The following EPSTI1 variants were observed in gnomAD, a reference collection of about 807,000 sequenced individuals.
The protein encoded by EPSTI1 is epithelial stromal interaction 1.
A neutral mutation model predicts 49.9 loss-of-function variants in EPSTI1; 66 were observed. The ratio of observed to expected loss-of-function variants is 1.32; its 90% CI spans 1.08 to 1.62. EPSTI1 has a LOEUF of 1.62. EPSTI1 is among the 40% of genes most tolerant of loss of function. EPSTI1 has a pLI of 0.00. For missense variants in EPSTI1, 394 were observed against 365.5 expected, an observed-to-expected ratio of 1.08 and a Z score of -0.64; for synonymous variants, 137 against 130.7, an observed-to-expected ratio of 1.05 and a Z score of -0.33.
intron 5 of EPSTI1, among the ~76,000 whole-genome samples, chr13:42,960,177 A>T (rs1386364859): frequency 6.6e-6 from 1 of 152,190 alleles, no homozygotes; most frequent in Non-Finnish European, 1.5e-5. Context: ...ATTATCTCAA[A>T]CATATGTAGA....
At chr13:42,902,958 A>G (rs1484704115) in intron 8 of EPSTI1, among the ~76,000 whole-genome samples, 2 of 152,182 alleles carry the variant, frequency 1.3e-5, no homozygotes, top group African/African-American at 4.8e-5. Flanking sequence ...GAACTACAGG[A>G]CCCATTCACA....
intron 1 of EPSTI1, among the ~76,000 whole-genome samples, chr13:42,980,779 G>GA (rs35734184): frequency 0.31 from 47,554 of 151,906 alleles, 7,668 homozygotes; most frequent in South Asian, 0.38. Context: ...TAAACTCTTT[G>GA]AAGTGTTTAT....
chr13:42,889,086 T>G, intron 10 of EPSTI1: 1 of 775,674 alleles, frequency 1.3e-6, no homozygotes, highest in East Asian at 2.7e-5. Flanking sequence ...GTTGCCTCAT[T>G]GGTCATAGGA....
intron 6 of EPSTI1, among the ~76,000 whole-genome samples, chr13:42,947,161 G>A (rs1206843189): frequency 6.6e-6 from 1 of 152,122 alleles, no homozygotes; most frequent in South Asian, 2.1e-4. Flanking sequence ...TACTCAAGAG[G>A]TGGTTTGGCC....
chr13:42,924,374 T>C (rs984554120), intron 7 of EPSTI1, among the ~76,000 whole-genome samples: 2 of 152,218 alleles, frequency 1.3e-5, no homozygotes, highest in African/African-American at 4.8e-5. Flanking sequence ...AATGCAGCTC[T>C]GGGAAACATT....
In EPSTI1 at chr13:42,992,009, G is replaced by A; in HGVS notation, c.157C>T (p.Arg53Trp). ...GLEAAPKGPS[R>W]ESVVHAGQRR... ...TGGCCCGCGTGCACGACGCTCTCCCGCGAAGGGCCCTTAGGGGCTGCCTCC... is the reference window on the plus strand; with the variant it reads ...TGGCCCGCGTGCACGACGCTCTCCCACGAAGGGCCCTTAGGGGCTGCCTCC... The change falls in exon 1 of 11, where the codon CGG becomes TGG. Residue 53 changes from arginine to tryptophan, a missense_variant. By Grantham distance (101) the Arg-to-Trp change is moderately radical. Coordinates refer to ENST00000313624, the MANE Select transcript of EPSTI1 (RefSeq NM_033255.5). The A allele has an allele frequency of 6.2e-7, 1 of 1,613,442 alleles. No homozygotes were observed. Among genetic ancestry groups the A allele is most frequent in the East Asian group, 2.2e-5 (1 of 44,876 alleles).
At chr13:42,987,133 C>T (rs1443348143) in intron 1 of EPSTI1, among the ~76,000 whole-genome samples, 2 of 152,044 alleles carry the variant, frequency 1.3e-5, no homozygotes, top group Non-Finnish European at 2.9e-5. Context: ...GCATGGGAAC[C>T]CCCAACTTTG....
At chr13:42,977,622 G>A (rs1243009847) in intron 1 of EPSTI1, among the ~76,000 whole-genome samples, 1 of 152,248 alleles carries the variant, frequency 6.6e-6, no homozygotes, top group East Asian at 1.9e-4. Flanking sequence ...GAATGGCAGA[G>A]CAGAAAGTCA....
At chr13:42,899,778 T>C (rs2037302303) in intron 9 of EPSTI1, among the ~76,000 whole-genome samples, 1 of 152,226 alleles carries the variant, frequency 6.6e-6, no homozygotes, top group Admixed American at 6.5e-5. Context: ...TTACTAGGTA[T>C]TCTTAAGTCT....
At chr13:42,974,040 T>G (rs990383331) in intron 1 of EPSTI1, among the ~76,000 whole-genome samples, 7 of 152,178 alleles carry the variant, frequency 4.6e-5, no homozygotes, top group Non-Finnish European at 8.8e-5. Context: ...TAAAAAGATA[T>G]TCAAGAAATG....
rs539195993 is a variant in EPSTI1, at chr13:42,970,700, T to C, written c.189-30A>G. On this transcript the variant is annotated intron_variant, in intron 1 of 10. Coordinates refer to ENST00000313624, the MANE Select transcript of EPSTI1 (RefSeq NM_033255.5). ...AAGGAAGAGAAAAAAAAATGCTTAT[T>C]ACCATGAGAAACTACCAATGCATAT... The C allele has an allele frequency of 5.1e-6, 8 of 1,580,224 alleles. No individual in the cohort carries two copies. The South Asian group carries it at 6.9e-5, about 14-fold the overall frequency.
intron 5 of EPSTI1, among the ~76,000 whole-genome samples, chr13:42,957,202 A>G (rs955995867): frequency 6.6e-6 from 1 of 152,264 alleles, no homozygotes; most frequent in African/African-American, 2.4e-5. Flanking sequence ...TAAGATTACT[A>G]TCATTTAAGA....
At chr13:42,917,984 T>C (rs2037886510) in intron 7 of EPSTI1, among the ~76,000 whole-genome samples, 1 of 152,106 alleles carries the variant, frequency 6.6e-6, no homozygotes, top group Non-Finnish European at 1.5e-5. Flanking sequence ...AGCTGATCAG[T>C]CAATATTAAA....
chr13:42,964,202 G>C, intron 3 of EPSTI1, 63 bp from the exon 4 acceptor site: 1 of 1,276,554 alleles, frequency 7.8e-7, no homozygotes, highest in Non-Finnish European at 1.1e-6. Context: ...CAGCCATCGA[G>C]GACTAATTAA....
At chr13:42,902,353 C>G (rs990872194) in intron 8 of EPSTI1, among the ~76,000 whole-genome samples, 3 of 152,128 alleles carry the variant, frequency 2.0e-5, no homozygotes, top group African/African-American at 2.4e-5. Flanking sequence ...CCAGGTGCCT[C>G]TGATTCCTCA....
Position 42,948,423 on chromosome 13 carries a change from TTG to T in EPSTI1, c.563+5523_563+5524del, listed in dbSNP as rs1274811210. Among the ~76,000 whole-genome samples the T allele has an allele frequency of 3.5e-4, 35 of 99,914 alleles. 1 individual carries two copies. Among genetic ancestry groups the T allele is most frequent in the African/African-American group, 9.6e-4 (27 of 27,998 alleles). The allele number at this position is 99,914 out of a possible 152,430, so 65.5% of individuals were successfully genotyped here. A position where few individuals can be genotyped will look rare whatever the true frequency, so the allele number is the denominator to read the frequency against. On this transcript the variant is annotated intron_variant, in intron 6 of 10. Transcript: ENST00000313624. ...TCTGCAGGAACTCCAGAGTGGCTTGTTGTTTTTTTTTTTTTTTTGCTGTTTGT... is the reference window on the plus strand; with the variant it reads ...TCTGCAGGAACTCCAGAGTGGCTTGTTTTTTTTTTTTTTTTTGCTGTTTGT...
intron 5 of EPSTI1, among the ~76,000 whole-genome samples, chr13:42,957,048 G>A (rs533187658): frequency 1.3e-5 from 2 of 152,216 alleles, no homozygotes; most frequent in South Asian, 4.2e-4. Flanking sequence ...CAGTAATCTA[G>A]GCCATAAATT....
chr13:42,895,510 T>C (rs888229398), intron 9 of EPSTI1, among the ~76,000 whole-genome samples: 4 of 152,212 alleles, frequency 2.6e-5, no homozygotes, highest in Admixed American at 2.6e-4. Flanking sequence ...TATGGCATTA[T>C]TGTTGCAAGA....
chr13:42,923,351 A>C (rs2038074629), intron 7 of EPSTI1, among the ~76,000 whole-genome samples: 1 of 152,168 alleles, frequency 6.6e-6, no homozygotes, highest in African/African-American at 2.4e-5. Flanking sequence ...ATTTCAGCCC[A>C]GGAGTTTGAG....
Sources: allele counts gnomAD v4.1 joint callset (sites outside exome capture counted in the v4.1 genomes callset), GRCh38; gene constraint gnomAD v4.1.1; transcripts MANE v1.5; gene names NCBI Gene and HGNC (gene_info 2026-07-23, HGNC 2026-07-21).